The following PDE10A variants were observed in gnomAD, a reference collection of about 807,000 sequenced individuals.
PDE10A encodes phosphodiesterase 10A, also known as cAMP and cAMP-inhibited cGMP 3',5'-cyclic phosphodiesterase 10A.
Under a neutral mutation model 97.7 loss-of-function variants are expected in PDE10A, and 39 were observed. The ratio of observed to expected loss-of-function variants is 0.40; its 90% CI spans 0.31 to 0.52. The LOEUF is 0.52. Among genes scored for constraint, PDE10A ranks in the 20% least tolerant of loss-of-function variants. The pLI is 0.56. For synonymous variants in PDE10A, 371 were observed against 376.8 expected (o/e 0.98, Z 0.18); for missense variants, 731 against 1,047.8 (o/e 0.70, Z 4.17).
rs193138157 is a variant in PDE10A at position 165,737,899 on chromosome 6, A to C, written c.-614-194331T>G. The stretch of plus-strand genomic sequence containing the variant: ...CAGATGACTTGATTTTTTATAAAGA[A>C]AACCCTAAAGACTATACAAATAAGA... On this transcript the variant is annotated intron_variant, in intron 1 of 19. Transcript: ENST00000366882. 1.6e-4 allele frequency among the ~76,000 whole-genome samples: 25 copies of C among 152,344 alleles called. No individual in the cohort carries two copies. The East Asian group carries it at 4.6e-3, about 28-fold the overall frequency.
At chr6:165,578,046 C>T (rs1007329276) in intron 1 of PDE10A, among the ~76,000 whole-genome samples, 32 of 152,318 alleles carry the variant, frequency 2.1e-4, no homozygotes, top group African/African-American at 6.5e-4. Context: ...ACTGGGTGAG[C>T]CACGACCTTG....
At chr6:165,860,129 A>G (rs1257517284) in intron 1 of PDE10A, among the ~76,000 whole-genome samples, 3 of 152,120 alleles carry the variant, frequency 2.0e-5, no homozygotes, top group African/African-American at 7.2e-5. Context: ...AACCTTGGGG[A>G]CCACTTTAAA....
intron 1 of PDE10A, among the ~76,000 whole-genome samples, chr6:165,720,490 A>G (rs4307153): frequency 0.7 from 105,906 of 151,720 alleles, 38,379 homozygotes; most frequent in African/African-American, 0.9. Flanking sequence ...CAGCTGCCCT[A>G]CTCCCAAACC....
intron 1 of PDE10A, among the ~76,000 whole-genome samples, chr6:165,565,693 C>T (rs1219828934): frequency 2.6e-5 from 4 of 152,060 alleles, no homozygotes; most frequent in African/African-American, 9.7e-5. Flanking sequence ...AATAAGGCTA[C>T]AATAATCAAA....
intron 18 of PDE10A, among the ~76,000 whole-genome samples, chr6:165,369,512 G>GA (rs1216252141): frequency 8.8e-6 from 1 of 113,284 alleles, no homozygotes; most frequent in East Asian, 2.4e-4. Context: ...AATGAAGCGA[G>GA]AAGGAAGTTT....
chr6:165,580,478 G>A (rs146184827), intron 1 of PDE10A, among the ~76,000 whole-genome samples: 2,897 of 152,280 alleles, frequency 0.019, 32 homozygotes, highest in Middle Eastern at 0.068. Flanking sequence ...TTATATTCCA[G>A]CTCAAGTAAG....
chr6:165,403,010 T>C (rs1038837765), intron 13 of PDE10A, among the ~76,000 whole-genome samples: 3 of 152,200 alleles, frequency 2.0e-5, no homozygotes, highest in African/African-American at 7.2e-5. Flanking sequence ...AAATCTCTTG[T>C]CCATCATTTA....
rs73251507 is a variant in PDE10A at position 165,590,395 on chromosome 6, C to T, written c.866-46827G>A. 4.5e-3 allele frequency among the ~76,000 whole-genome samples: 678 copies of T among 152,322 alleles called. 5 individuals are homozygous for T. The highest frequency in any genetic ancestry group is 0.016 in the African/African-American group (657 of 41,576). ...CCAGGCGTCTGCTTCCAGAGTCATG[C>T]TTGCAGTCACAAGAGTAGAAATACA... On this transcript the variant is annotated intron_variant, in intron 1 of 21. Coordinates refer to ENST00000539869, the MANE Select transcript of PDE10A (RefSeq NM_001385079.1).
At chr6:165,784,247 T>G (rs537319362) in intron 1 of PDE10A, among the ~76,000 whole-genome samples, 18 of 149,380 alleles carry the variant, frequency 1.2e-4, no homozygotes, top group Non-Finnish European at 2.2e-4. Context: ...AAAAAAGAAA[T>G]AAAAAGAAAA....
chr6:165,606,829 T>C (rs1037864873), intron 1 of PDE10A, among the ~76,000 whole-genome samples: 2 of 152,080 alleles, frequency 1.3e-5, no homozygotes, highest in African/African-American at 4.8e-5. Flanking sequence ...TGCAGGGGCT[T>C]AGGTGGAAGA....
chr6:165,469,440 G>T (rs1411392354), intron 3 of PDE10A, among the ~76,000 whole-genome samples: 8 of 152,198 alleles, frequency 5.3e-5, no homozygotes, highest in Non-Finnish European at 1.2e-4. Flanking sequence ...TTCATAAGGA[G>T]CAGCAAAGTT....
intron 1 of PDE10A, among the ~76,000 whole-genome samples, chr6:165,937,468 A>T (rs933109595): frequency 6.6e-6 from 1 of 152,202 alleles, no homozygotes; most frequent in African/African-American, 2.4e-5. Flanking sequence ...ATCCAAAATA[A>T]ACTTACATAT....
chr6:165,474,450 T>G (rs1022067060), intron 3 of PDE10A, among the ~76,000 whole-genome samples: 1 of 152,218 alleles, frequency 6.6e-6, no homozygotes, highest in Non-Finnish European at 1.5e-5. Flanking sequence ...ATAAACTTTT[T>G]TCCTTCTGTG....
intron 1 of PDE10A, among the ~76,000 whole-genome samples, chr6:165,564,472 T>G (rs1053374269): frequency 6.6e-6 from 1 of 152,230 alleles, no homozygotes; most frequent in Non-Finnish European, 1.5e-5. Flanking sequence ...ATGGTTGTTT[T>G]CAATCTTGCA....
chr6:165,619,308 T>TCTA (rs1787921610), intron 1 of PDE10A, among the ~76,000 whole-genome samples: 14 of 151,154 alleles, frequency 9.3e-5, no homozygotes, highest in South Asian at 4.2e-4. Context: ...TGTAGTGTAG[T>TCTA]GTAGTCTAGT....
At chr6:165,967,420 C>A (rs186396642) in intron 1 of PDE10A, among the ~76,000 whole-genome samples, 2 of 152,168 alleles carry the variant, frequency 1.3e-5, no homozygotes, top group African/African-American at 2.4e-5. Context: ...TCACTTGATA[C>A]CGGGAGGCAA....
chr6:165,770,515 A>G (rs1210300014), intron 1 of PDE10A, among the ~76,000 whole-genome samples: 1 of 152,152 alleles, frequency 6.6e-6, no homozygotes, highest in Admixed American at 6.5e-5. Context: ...TTATTCAAGA[A>G]GTGATGTAAG....
intron 1 of PDE10A, among the ~76,000 whole-genome samples, chr6:165,834,760 G>A (rs757673269): frequency 4.5e-4 from 69 of 152,190 alleles, no homozygotes; most frequent in Non-Finnish European, 8.4e-4. Flanking sequence ...CATCTAGACA[G>A]AGACAGAGTC....
intron 1 of PDE10A, among the ~76,000 whole-genome samples, chr6:165,629,421 A>T (rs1362618054): frequency 6.6e-6 from 1 of 152,140 alleles, no homozygotes; most frequent in African/African-American, 2.4e-5. Flanking sequence ...GCCAGAAAAG[A>T]AGCCGTTTGA....
Sources: gnomAD v4.1 joint callset for allele counts (sites outside exome capture counted in the v4.1 genomes callset) on GRCh38, gnomAD v4.1.1 for gene constraint, MANE v1.5 for transcripts, NCBI Gene and HGNC (gene_info 2026-07-23, HGNC 2026-07-21) for gene names.